Variants in KCNQ3 observed in about 807,000 individuals in gnomAD.
The protein encoded by KCNQ3 is potassium voltage-gated channel subfamily Q member 3, also known as potassium voltage-gated channel subfamily KQT member 3.
In KCNQ3, 30 loss-of-function variants were observed where a neutral mutation model predicts 92.5. The observed-to-expected ratio is 0.32, with a 90% CI of 0.24 to 0.44. The LOEUF (loss-of-function observed/expected upper bound fraction) is 0.44, where lower values mean the gene tolerates loss of function less well. KCNQ3 is among the 20% of genes least tolerant of loss of function. The pLI, the probability that KCNQ3 is intolerant of heterozygous loss-of-function variation, is 1.00. For synonymous variants in KCNQ3, 450 were observed against 468.8 expected, an observed-to-expected ratio of 0.96 and a Z score of 0.52; for missense variants, 913 against 1,140.3, an observed-to-expected ratio of 0.80 and a Z score of 2.87.
intron 9 of KCNQ3, among the ~76,000 whole-genome samples, chr8:132,153,344 T>C (rs563772730): frequency 6.6e-6 from 1 of 152,314 alleles, no homozygotes; most frequent in South Asian, 2.1e-4. Flanking sequence ...TGCCTGTATG[T>C]GTCATAAGAC....
intron 1 of KCNQ3, among the ~76,000 whole-genome samples, chr8:132,332,440 C>T (rs1403224153): frequency 6.6e-6 from 1 of 152,216 alleles, no homozygotes; most frequent in African/African-American, 2.4e-5. Context: ...GTTCTGACAT[C>T]CAAACTGTGC....
chr8:132,129,292 T>A lies in KCNQ3; in HGVS notation c.2589A>T (p.Ser863=), dbSNP rs769816667. 5.0e-6 allele frequency: 8 copies of A among 1,613,542 alleles called. No homozygotes were observed. Among genetic ancestry groups the A allele is most frequent in the Non-Finnish European group, 6.8e-6 (8 of 1,180,034 alleles). Residue 863 remains serine, a synonymous_variant, in exon 15 of 15, where the codon TCA becomes TCT. Coordinates refer to ENST00000388996, the MANE Select transcript of KCNQ3 (RefSeq NM_004519.4). This position sits in a 1 kb window ranked among gnomAD's most constrained non-coding sequence, Gnocchi z 5.9. The stretch of plus-strand genomic sequence containing the variant: ...TGGGCTTATTGGAAGGGGTCCATAC[T>A]GAATCAGAAATCCCATCCCCTGTGG... ...LSSTGDGISD[S]VWTPSNKPI
intron 1 of KCNQ3, among the ~76,000 whole-genome samples, chr8:132,230,470 AG>A (rs1814608483): frequency 6.7e-6 from 1 of 149,834 alleles, no homozygotes; most frequent in Admixed American, 6.7e-5. Context: ...AGAGAGAGAG[AG>A]AGAGAGAGAG....
At chr8:132,176,537 T>A (rs1312136055) in intron 4 of KCNQ3, among the ~76,000 whole-genome samples, 1 of 152,212 alleles carries the variant, frequency 6.6e-6, no homozygotes, top group African/African-American at 2.4e-5. Context: ...ACAAAGTTGT[T>A]CACATTGATA....
At chr8:132,379,693 T>C (rs1819695575) in intron 1 of KCNQ3, among the ~76,000 whole-genome samples, 1 of 152,202 alleles carries the variant, frequency 6.6e-6, no homozygotes, top group Admixed American at 6.5e-5. Flanking sequence ...AAATAGAACG[T>C]CCTTAATTTT....
At chr8:132,235,479 C>G (rs1278822690) in intron 1 of KCNQ3, among the ~76,000 whole-genome samples, 1 of 152,070 alleles carries the variant, frequency 6.6e-6, no homozygotes, top group South Asian at 2.1e-4. Flanking sequence ...CTAGCCTGGG[C>G]GACAGAGTGA....
intron 13 of KCNQ3, among the ~76,000 whole-genome samples, chr8:132,133,424 C>T (rs186553041): frequency 0.013 from 1,736 of 131,134 alleles, 8 homozygotes; most frequent in Non-Finnish European, 0.02. Flanking sequence ...GGCATGATCT[C>T]GGCTCACTGC....
intron 1 of KCNQ3, among the ~76,000 whole-genome samples, chr8:132,377,822 T>C (rs1389351376): frequency 6.6e-6 from 1 of 152,166 alleles, no homozygotes; most frequent in African/African-American, 2.4e-5. Flanking sequence ...TATAACAAGG[T>C]CTTTCTTAGA....
chr8:132,463,227 A>G (rs1234708574), intron 1 of KCNQ3, among the ~76,000 whole-genome samples: 1 of 152,226 alleles, frequency 6.6e-6, no homozygotes, highest in African/African-American at 2.4e-5. Context: ...CAGAAAAATA[A>G]AATCAAGTAA....
chr8:132,447,474 G>A (rs1236487817), intron 1 of KCNQ3, among the ~76,000 whole-genome samples: 1 of 152,016 alleles, frequency 6.6e-6, no homozygotes, highest in African/African-American at 2.4e-5. Context: ...TTGGCTGTGT[G>A]TGAGGAAAGA....
chr8:132,151,931 G>A (rs1429161972), intron 9 of KCNQ3, among the ~76,000 whole-genome samples: 2 of 152,200 alleles, frequency 1.3e-5, no homozygotes, highest in African/African-American at 2.4e-5. Context: ...TTCCAGAATT[G>A]TATGGGATTT....
intron 1 of KCNQ3, among the ~76,000 whole-genome samples, chr8:132,265,392 A>T (rs78993788): frequency 6.6e-6 from 1 of 152,246 alleles, no homozygotes; most frequent in African/African-American, 2.4e-5. Flanking sequence ...CTTGGCAAAG[A>T]GTCTACCCAT....
chr8:132,149,754 G>A (rs2469522), intron 9 of KCNQ3, among the ~76,000 whole-genome samples: 23,934 of 152,156 alleles, frequency 0.16, 2,174 homozygotes, highest in Middle Eastern at 0.23. Context: ...GTGCATGGCT[G>A]TAGTGTGTGC....
chr8:132,457,588 C>G (rs185119059), intron 1 of KCNQ3, among the ~76,000 whole-genome samples: 4 of 152,316 alleles, frequency 2.6e-5, no homozygotes, highest in Non-Finnish European at 1.5e-5. Context: ...GACTCTGACA[C>G]CGTTCCATCT....
At chr8:132,341,765 T>C (rs1481499379) in intron 1 of KCNQ3, among the ~76,000 whole-genome samples, 2 of 152,108 alleles carry the variant, frequency 1.3e-5, no homozygotes, top group African/African-American at 4.8e-5. Context: ...TAGAAACCTG[T>C]GGAAAAAAGA....
intron 9 of KCNQ3, among the ~76,000 whole-genome samples, chr8:132,145,978 G>A (rs1311673003): frequency 1.3e-5 from 2 of 152,224 alleles, no homozygotes; most frequent in Non-Finnish European, 2.9e-5. Flanking sequence ...GGCACCAAAG[G>A]GAGGGCATGT....
intron 1 of KCNQ3, among the ~76,000 whole-genome samples, chr8:132,213,900 GT>G (rs1398227392): frequency 6.6e-6 from 1 of 152,114 alleles, no homozygotes; most frequent in East Asian, 1.9e-4. Flanking sequence ...CAAATGGGAT[GT>G]TTTTTTCTCT....
chr8:132,443,573 T>C (rs1268605242), intron 1 of KCNQ3, among the ~76,000 whole-genome samples: 1 of 150,782 alleles, frequency 6.6e-6, no homozygotes, highest in Non-Finnish European at 1.5e-5. Flanking sequence ...CCCACACTCC[T>C]ACCTCACTCC....
intron 1 of KCNQ3, among the ~76,000 whole-genome samples, chr8:132,387,491 A>G (rs1819918997): frequency 6.6e-6 from 1 of 152,196 alleles, no homozygotes; most frequent in Non-Finnish European, 1.5e-5. Flanking sequence ...CAATAAAGGA[A>G]AGGCTTTAAG....
Sources: allele counts gnomAD v4.1 joint callset (sites outside exome capture counted in the v4.1 genomes callset), GRCh38; gene constraint gnomAD v4.1.1; non-coding constraint Gnocchi (gnomAD v3.1); transcripts MANE v1.5; gene names NCBI Gene and HGNC (gene_info 2026-07-23, HGNC 2026-07-21).